The following ZNF555 variants were observed in gnomAD, a reference collection of about 807,000 sequenced individuals.
ZNF555 encodes the protein zinc finger protein 555.
In ZNF555, 10 loss-of-function variants were observed where a neutral mutation model predicts 14.0. The ratio of observed to expected loss-of-function variants is 0.72; its 90% CI spans 0.44 to 1.21. The LOEUF is 1.21. ZNF555 is among the 50% of genes most tolerant of loss of function. ZNF555 has a pLI of 0.00. For missense variants in ZNF555, 747 were observed against 762.0 expected, an observed-to-expected ratio of 0.98 and a Z score of 0.23; for synonymous variants, 277 against 262.4, an observed-to-expected ratio of 1.06 and a Z score of -0.54.
At position 2,853,299 on chromosome 19, in the gene ZNF555, C is replaced by T. The variant is rs754309999; in HGVS notation, c.1234C>T (p.Arg412Ter). ...AGCATTCAGTCACCCCTCCTCCTTTCGAGGACACATGAGGGTGCACACTGG... is the reference window on the plus strand; with the variant it reads ...AGCATTCAGTCACCCCTCCTCCTTTTGAGGACACATGAGGGTGCACACTGG... ...GKAFSHPSSFRGHMRVHTGEK... is the reference protein window; with the variant it reads ...GKAFSHPSSF The change falls in exon 4 of 4, where the codon CGA (arginine) becomes TGA (stop). Residue 412 changes from arginine (R) to a stop codon, truncating the protein, a stop_gained. Transcript: ENST00000334241. LOFTEE classifies it low-confidence loss of function (END_TRUNC). The T allele has an allele frequency of 1.1e-5, 18 of 1,613,982 alleles. No individual in the cohort carries two copies. Among genetic ancestry groups the T allele is most frequent in the African/African-American group, 6.7e-5 (5 of 74,896 alleles).
At chr19:2,849,713 C>T (rs2087612883) in intron 1 of ZNF555, among the ~76,000 whole-genome samples, 2 of 151,462 alleles carry the variant, frequency 1.3e-5, no homozygotes, top group South Asian at 2.1e-4. Flanking sequence ...GTTTTGAACT[C>T]CTGACCTCAA....
In ZNF555 at chr19:2,854,816, G is replaced by A. The variant is rs558664421; in HGVS notation, c.*864G>A. ...AACTTGATATTAGGGATATTCCTGT[G>A]TGGTCAGTCACCTAGAGTCTGGATT... On this transcript the variant is annotated 3_prime_UTR_variant, in exon 4 of 4. Coordinates refer to ENST00000334241, the MANE Select transcript of ZNF555 (RefSeq NM_152791.5). The A allele has an allele frequency of 1.3e-5, 2 of 152,278 alleles. No homozygotes were observed. Among genetic ancestry groups the A allele is most frequent in the African/African-American group, 2.4e-5 (1 of 41,556 alleles). The allele number at this position is 152,278 out of a possible 1,614,324, so 9.4% of individuals were successfully genotyped here.
At chr19:2,843,423 C>T (rs1356592468) in intron 1 of ZNF555, among the ~76,000 whole-genome samples, 2 of 152,186 alleles carry the variant, frequency 1.3e-5, no homozygotes, top group African/African-American at 4.8e-5. Context: ...CCTCGACCAG[C>T]CTTGTTCTTT....
At chr19:2,852,357 A>G (rs1441446140) in intron 3 of ZNF555, 23 bp from the exon 4 acceptor site, 2 of 1,613,140 alleles carry the variant, frequency 1.2e-6, no homozygotes, top group Admixed American at 3.3e-5. Context: ...TAATCAAACC[A>G]ATAACATGCT....
chr19:2,855,907 CTACTT>C lies in ZNF555; in HGVS notation c.*1956_*1960del, dbSNP rs1245184089. 6.6e-6 allele frequency: 1 copy of C among 152,186 alleles called. No homozygotes were observed. Among genetic ancestry groups the C allele is most frequent in the Non-Finnish European group, 1.5e-5 (1 of 68,038 alleles). The allele number at this position is 152,186 out of a possible 1,614,324, so 9.4% of individuals were successfully genotyped here. ...ACCACTCATTGGGTTAGGCCCCACT[CTACTT>C]CAGTATGATTTTACCTTAACTAATT... On this transcript the variant is annotated 3_prime_UTR_variant, in exon 4 of 4. Transcript: ENST00000334241.
chr19:2,851,057 G>C (rs558003646), intron 2 of ZNF555, among the ~76,000 whole-genome samples: 6 of 149,828 alleles, frequency 4.0e-5, no homozygotes, highest in African/African-American at 1.5e-4. Context: ...GGAGTGCAGT[G>C]GTGTGATCTC....
intron 1 of ZNF555, among the ~76,000 whole-genome samples, chr19:2,847,728 A>T (rs2087593710): frequency 6.6e-6 from 1 of 152,232 alleles, no homozygotes; most frequent in African/African-American, 2.4e-5. Context: ...ATTTTACTTG[A>T]TTACATCTGC....
In ZNF555 at chr19:2,853,274, A is replaced by G. The variant is rs767657047; in HGVS notation, c.1209A>G (p.Lys403=). 6.2e-7 allele frequency: 1 copy of G among 1,614,066 alleles called. No homozygotes were observed. The highest frequency in any genetic ancestry group is 8.5e-7 in the Non-Finnish European group (1 of 1,179,986). Residue 403 remains lysine, a synonymous_variant, in exon 4 of 4, where the codon AAA becomes AAG. Coordinates refer to ENST00000334241, the MANE Select transcript of ZNF555 (RefSeq NM_152791.5). ...EKPYECNQCG[K]AFSHPSSFRG... ...CCTATGAATGCAACCAGTGCGGGAA[A>G]GCATTCAGTCACCCCTCCTCCTTTC...
intron 1 of ZNF555, among the ~76,000 whole-genome samples, chr19:2,841,853 G>GTCCCCGCGTCCCTGCGC (rs2087539527): frequency 1.3e-5 from 2 of 151,672 alleles, no homozygotes; most frequent in Admixed American, 1.3e-4. Context: ...TCGTCCCGGG[G>GTCCCCGCGTCCCTGCGC]TCCCCGCGTC....
In ZNF555 at chr19:2,860,365, T is replaced by G. The variant is rs1330801704; in HGVS notation, c.*6413T>G. 6.6e-6 allele frequency: 1 copy of G among 152,214 alleles called. No individual in the cohort carries two copies. The highest frequency in any genetic ancestry group is 6.5e-5 in the Admixed American group (1 of 15,282). The allele number at this position is 152,214 out of a possible 1,614,324, so 9.4% of individuals were successfully genotyped here. On this transcript the variant is annotated 3_prime_UTR_variant, in exon 4 of 4. Transcript: ENST00000334241. Reference sequence around the variant, plus strand: ...TCTGTGTCTCTGTGTTTTCCAGTCTTTGTGTGATGAAATATAAAGGCCTAG... The same window carrying G: ...TCTGTGTCTCTGTGTTTTCCAGTCTGTGTGTGATGAAATATAAAGGCCTAG...
chr19:2,855,282 G>A lies in ZNF555; in HGVS notation c.*1330G>A, dbSNP rs549806299. 1 of 152,228 alleles carries A rather than the reference G, an allele frequency of 6.6e-6. No individual in the cohort carries two copies. The highest frequency in any genetic ancestry group is 1.9e-4 in the East Asian group (1 of 5,182). 9.4% of individuals were successfully genotyped at this position (152,228 alleles called of 1,614,324 possible). On this transcript the variant is annotated 3_prime_UTR_variant, in exon 4 of 4. Coordinates refer to ENST00000334241, the MANE Select transcript of ZNF555 (RefSeq NM_152791.5). ...TGTAGATATTTCTTAGAAATATCCT[G>A]TTTAGCTGGGCACAGTAGCTCATGC...
At chr19:2,848,335 G>T (rs1238118429) in intron 1 of ZNF555, among the ~76,000 whole-genome samples, 3 of 151,618 alleles carry the variant, frequency 2.0e-5, no homozygotes, top group Non-Finnish European at 4.4e-5. Context: ...TGTATTTTTA[G>T]TAGAGTCGGG....
Position 2,853,677 on chromosome 19 carries a change from T to C in ZNF555, c.1612T>C (p.Cys538Arg). ...RTHTVEKPYE[C>R]KECGKVFKWP... ...GCACACTGTAGAGAAGCCCTATGAA[T>C]GTAAGGAATGTGGGAAGGTCTTCAA... The change falls in exon 4 of 4, where the codon TGT (cysteine) becomes CGT (arginine). Residue 538 changes from cysteine to arginine, a missense_variant. Transcript: ENST00000334241. 3 of 1,580,736 alleles carry C rather than the reference T, an allele frequency of 1.9e-6. No homozygotes were observed. Among genetic ancestry groups the C allele is most frequent in the Non-Finnish European group, 2.6e-6 (3 of 1,164,832 alleles).
rs2087681247 is a variant in ZNF555 at position 2,856,094 on chromosome 19, A to G, written c.*2142A>G. ...ATTTCAAATCAACTTTGTAATTTTG[A>G]TAATTTAAGCATGTTACATTTTGAA... On this transcript the variant is annotated 3_prime_UTR_variant, in exon 4 of 4. Transcript: ENST00000334241. The G allele has an allele frequency of 6.6e-6, 1 of 152,166 alleles. No individual in the cohort carries two copies. Among genetic ancestry groups the G allele is most frequent in the South Asian group, 2.1e-4 (1 of 4,818 alleles). The allele number at this position is 152,166 out of a possible 1,614,324, so 9.4% of individuals were successfully genotyped here. A position where few individuals can be genotyped will look rare whatever the true frequency, so the allele number is the denominator to read the frequency against.
Position 2,852,532 on chromosome 19 carries a change from G to A in ZNF555, c.467G>A (p.Arg156His), listed in dbSNP as rs370507327. 36 of 1,613,834 alleles carry A rather than the reference G, an allele frequency of 2.2e-5. 1 individual carries two copies. Among genetic ancestry groups the A allele is most frequent in the East Asian group, 8.9e-5 (4 of 44,888 alleles). ...NTYGKVFMHR[R>H]TSLKSPITVH... ...TACGGAAAAGTCTTCATGCATCGCC[G>A]CACATCCCTCAAGAGTCCCATCACA... Residue 156 changes from arginine to histidine, a missense_variant, in exon 4 of 4, where the codon CGC becomes CAC. Arg to His is a conservative substitution (Grantham distance 29, BLOSUM62 0). Coordinates refer to ENST00000334241, the MANE Select transcript of ZNF555 (RefSeq NM_152791.5).
chr19:2,843,134 G>A (rs1025889834), intron 1 of ZNF555, among the ~76,000 whole-genome samples: 41 of 151,666 alleles, frequency 2.7e-4, no homozygotes, highest in Non-Finnish European at 5.9e-4. Flanking sequence ...TCCCTGGAGT[G>A]TGTGTCGTTT....
Position 2,859,815 on chromosome 19 carries a change from T to C in ZNF555, c.*5863T>C, listed in dbSNP as rs116766236. The C allele has an allele frequency of 6.6e-6, 1 of 152,314 alleles. No homozygotes were observed. Among genetic ancestry groups the C allele is most frequent in the African/African-American group, 2.4e-5 (1 of 41,544 alleles). 9.4% of individuals were successfully genotyped at this position (152,314 alleles called of 1,614,324 possible). On this transcript the variant is annotated 3_prime_UTR_variant, in exon 4 of 4. Transcript: ENST00000334241. Reference sequence around the variant, plus strand: ...GATGGATGTGAAGACAACTCATTCTTTGATGTTCAGATGGTTGTGGCCCTC... The same window carrying C: ...GATGGATGTGAAGACAACTCATTCTCTGATGTTCAGATGGTTGTGGCCCTC...
Position 2,853,721 on chromosome 19 carries a change from A to C in ZNF555, c.1656A>C (p.Pro552=), listed in dbSNP as rs1377204566. 1.3e-6 allele frequency: 2 copies of C among 1,583,436 alleles called. No individual in the cohort carries two copies. The highest frequency in any genetic ancestry group is 3.5e-5 in the Admixed American group (2 of 56,344). The change falls in exon 4 of 4, where the codon CCA becomes CCC. Residue 552 remains proline, a synonymous_variant. Coordinates refer to ENST00000334241, the MANE Select transcript of ZNF555 (RefSeq NM_152791.5). ...GKVFKWPSSL[P]IHMRLHTGEK... ...TCTTCAAATGGCCATCATCTTTACC[A>C]ATACATATGAGACTGCACACTGGAG...
Position 2,853,328 on chromosome 19 carries a change from G to A in ZNF555, c.1263G>A (p.Glu421=), listed in dbSNP as rs1235548301. Residue 421 remains glutamate, a synonymous_variant, in exon 4 of 4, where the codon GAG becomes GAA. Coordinates refer to ENST00000334241, the MANE Select transcript of ZNF555 (RefSeq NM_152791.5). ...GACACATGAGGGTGCACACTGGAGA[G>A]AAACCCTATGAGTGCAAGCAATGTG... ...FRGHMRVHTG[E]KPYECKQCGK... is the part of the protein sequence containing the mutation. The A allele has an allele frequency of 2.5e-6, 4 of 1,614,212 alleles. 1 individual carries two copies. In the South Asian group the frequency reaches 3.3e-5, roughly 13 times the overall value.
Sources: allele counts gnomAD v4.1 joint callset (sites outside exome capture counted in the v4.1 genomes callset), GRCh38; gene constraint gnomAD v4.1.1; transcripts MANE v1.5; gene names NCBI Gene and HGNC (gene_info 2026-07-23, HGNC 2026-07-21).